DLEU7: variants seen among roughly 807,000 people sequenced by gnomAD.
DLEU7 encodes the protein deleted in lymphocytic leukemia 7.
Under a neutral mutation model 16.0 loss-of-function variants are expected in DLEU7, and 17 were observed. The ratio of observed to expected loss-of-function variants is 1.06; its 90% confidence interval spans 0.73 to 1.59. The LOEUF is 1.59. Among genes scored for constraint, DLEU7 ranks in the 40% most tolerant of loss-of-function variants. The probability of loss-of-function intolerance (pLI) is 0.00; values close to 1 mark genes in which losing one functional copy is unlikely to be tolerated. For synonymous variants in DLEU7, 113 were observed against 139.8 expected (o/e 0.81, Z 1.35); for missense variants, 308 against 314.9 (o/e 0.98, Z 0.17).
rs920294747 is a variant in DLEU7, at chr13:50,843,667, C to A, written c.-21G>T. The stretch of plus-strand genomic sequence containing the variant: ...GCCATCGCCTCCGCTGGCGGCCCGG[C>A]GCGCTCCGCGTGCAGGTGGAGCAGC... On this transcript the variant is annotated 5_prime_UTR_variant, in exon 1 of 2. Coordinates refer to ENST00000504404, the MANE Select transcript of DLEU7 (RefSeq NM_001306135.2). This position sits in a 1 kb window ranked among gnomAD's most constrained non-coding sequence, Gnocchi z 5.7. 1.3e-6 allele frequency: 2 copies of A among 1,497,102 alleles called. No individual in the cohort carries two copies. The highest frequency in any genetic ancestry group is 1.8e-6 in the Non-Finnish European group (2 of 1,131,080). 92.7% of individuals were successfully genotyped at this position (1,497,102 alleles called of 1,614,324 possible).
chr13:50,802,245 T>C (rs1333538515), intron 1 of DLEU7, among the ~76,000 whole-genome samples: 1 of 150,140 alleles, frequency 6.7e-6, no homozygotes, highest in East Asian at 2.0e-4. Flanking sequence ...TTGATTTCAA[T>C]AGAAACCCAA....
intron 1 of DLEU7, among the ~76,000 whole-genome samples, chr13:50,749,685 A>G (rs1874505698): frequency 6.6e-6 from 1 of 152,128 alleles, no homozygotes; most frequent in South Asian, 2.1e-4. Flanking sequence ...TTTCCTGATC[A>G]TTAGTAATGT....
At chr13:50,784,592 T>G (rs1286519326) in intron 1 of DLEU7, among the ~76,000 whole-genome samples, 1 of 152,212 alleles carries the variant, frequency 6.6e-6, no homozygotes, top group East Asian at 1.9e-4. Flanking sequence ...GTGCATTTTC[T>G]ATGGGCACAA....
chr13:50,794,689 T>C (rs1193321883), intron 1 of DLEU7, among the ~76,000 whole-genome samples: 1 of 152,212 alleles, frequency 6.6e-6, no homozygotes, highest in Non-Finnish European at 1.5e-5. Flanking sequence ...CATGTTCTCA[T>C]CCAACTTCAC....
chr13:50,740,959 T>C (rs933523219), intron 1 of DLEU7, among the ~76,000 whole-genome samples: 2 of 152,196 alleles, frequency 1.3e-5, no homozygotes, highest in African/African-American at 4.8e-5. Flanking sequence ...TTGTTCATCC[T>C]GGGCCCCTCT....
At chr13:50,835,542 G>T (rs1247764479) in intron 1 of DLEU7, among the ~76,000 whole-genome samples, 1 of 152,202 alleles carries the variant, frequency 6.6e-6, no homozygotes, top group African/African-American at 2.4e-5. Flanking sequence ...CTGGCCTGTT[G>T]GCCCATCCCT....
chr13:50,834,461 T>C (rs1877386051), intron 1 of DLEU7, among the ~76,000 whole-genome samples: 1 of 151,464 alleles, frequency 6.6e-6, no homozygotes, highest in Admixed American at 6.6e-5. Flanking sequence ...TCACTGGTCA[T>C]TAGAGAAACG....
chr13:50,834,105 A>G (rs1168990190), intron 1 of DLEU7, among the ~76,000 whole-genome samples: 1 of 152,188 alleles, frequency 6.6e-6, no homozygotes, highest in Non-Finnish European at 1.5e-5. Flanking sequence ...AAACCTAGAC[A>G]ATACCATTCA....
At chr13:50,783,632 G>C (rs1436005779) in intron 1 of DLEU7, among the ~76,000 whole-genome samples, 1 of 152,206 alleles carries the variant, frequency 6.6e-6, no homozygotes, top group Non-Finnish European at 1.5e-5. Context: ...GCAAAAGAAA[G>C]TACAGGCTAT....
chr13:50,803,089 T>C (rs1032751032), intron 1 of DLEU7, among the ~76,000 whole-genome samples: 1 of 152,192 alleles, frequency 6.6e-6, no homozygotes, highest in Non-Finnish European at 1.5e-5. Flanking sequence ...ATAAATCATT[T>C]CACACATTTG....
intron 1 of DLEU7, among the ~76,000 whole-genome samples, chr13:50,733,233 G>A (rs1318573392): frequency 6.6e-6 from 1 of 152,162 alleles, no homozygotes; most frequent in African/African-American, 2.4e-5. Context: ...ATGTCTGGTG[G>A]AGCCAGAGCA....
chr13:50,792,979 CT>C (rs1261930079), intron 1 of DLEU7, among the ~76,000 whole-genome samples: 3 of 151,780 alleles, frequency 2.0e-5, no homozygotes, highest in Non-Finnish European at 4.4e-5. Context: ...CATCCAAGTA[CT>C]GAATATAATA....
chr13:50,767,450 C>T (rs899226965), intron 1 of DLEU7, among the ~76,000 whole-genome samples: 11 of 112,774 alleles, frequency 9.8e-5, no homozygotes, highest in Non-Finnish European at 2.0e-4. Context: ...AGCGAGACTC[C>T]GTCTCAAAAA....
chr13:50,825,538 T>C (rs946558738), intron 1 of DLEU7, among the ~76,000 whole-genome samples: 12 of 152,170 alleles, frequency 7.9e-5, no homozygotes, highest in African/African-American at 2.9e-4. Context: ...TACTGTCAGG[T>C]ATAGTTTCAG....
chr13:50,835,091 T>C (rs897079498), intron 1 of DLEU7, among the ~76,000 whole-genome samples: 1 of 151,998 alleles, frequency 6.6e-6, no homozygotes, highest in Non-Finnish European at 1.5e-5. Context: ...ATACCTAATG[T>C]AGATGATGGG....
intron 1 of DLEU7, among the ~76,000 whole-genome samples, chr13:50,727,080 G>C (rs563097964): frequency 3.9e-5 from 6 of 152,306 alleles, no homozygotes; most frequent in African/African-American, 1.4e-4. Flanking sequence ...GGAATGAAGA[G>C]CCACCTCCTC....
chr13:50,821,884 C>G (rs1876917762), downstream of DLEU7, among the ~76,000 whole-genome samples: 1 of 152,210 alleles, frequency 6.6e-6, no homozygotes, highest in African/African-American at 2.4e-5. Flanking sequence ...AGGCATCGCC[C>G]CAGAATACAA....
intron 1 of DLEU7, among the ~76,000 whole-genome samples, chr13:50,751,543 G>C (rs1874563532): frequency 6.6e-6 from 1 of 152,132 alleles, no homozygotes. Flanking sequence ...GTAGAATTCT[G>C]CTATGAATCC....
chr13:50,768,953 C>T (rs1192114572), intron 1 of DLEU7, among the ~76,000 whole-genome samples: 1 of 152,156 alleles, frequency 6.6e-6, no homozygotes, highest in Non-Finnish European at 1.5e-5. Context: ...CCTGTTGTTT[C>T]CTGACTTTTA....
Sources: allele counts gnomAD v4.1 joint callset (sites outside exome capture counted in the v4.1 genomes callset), GRCh38; gene constraint gnomAD v4.1.1; non-coding constraint Gnocchi (gnomAD v3.1); transcripts MANE v1.5; gene names NCBI Gene and HGNC (gene_info 2026-07-23, HGNC 2026-07-21).